Variants in FGGY observed in about 807,000 individuals in gnomAD.
The protein encoded by FGGY is FGGY carbohydrate kinase domain containing.
FGGY carries 72 observed loss-of-function variants against 71.3 expected under a neutral mutation model. The observed-to-expected ratio is 1.01, with a 90% CI of 0.84 to 1.23. The LOEUF (loss-of-function observed/expected upper bound fraction) is 1.23, where lower values mean the gene tolerates loss of function less well. Ranked by LOEUF, FGGY falls within the 50% of genes most tolerant of loss-of-function variation. The pLI is 0.00. For synonymous variants in FGGY, 251 were observed against 250.3 expected (o/e 1.00, Z -0.02); for missense variants, 668 against 682.3 (o/e 0.98, Z 0.23).
chr1:59,707,776 C>T (rs1474255032), intron 14 of FGGY, among the ~76,000 whole-genome samples: 2 of 152,182 alleles, frequency 1.3e-5, no homozygotes, highest in African/African-American at 4.8e-5. Flanking sequence ...AGCAGATGAT[C>T]AGCCATCATG....
intron 14 of FGGY, among the ~76,000 whole-genome samples, chr1:59,729,501 TTG>T (rs1411132833): frequency 6.6e-6 from 1 of 152,164 alleles, no homozygotes; most frequent in Non-Finnish European, 1.5e-5. Flanking sequence ...ATGTGACATT[TTG>T]TGTTAGAAAT....
intron 11 of FGGY, among the ~76,000 whole-genome samples, chr1:59,649,196 T>A (rs1572624925): frequency 6.7e-6 from 1 of 148,840 alleles, no homozygotes. Flanking sequence ...TGCCTCCAGC[T>A]TTGTTCTTTT....
intron 14 of FGGY, among the ~76,000 whole-genome samples, chr1:59,699,747 G>T (rs1042480887): frequency 1.3e-5 from 2 of 152,122 alleles, no homozygotes; most frequent in Admixed American, 1.3e-4. Flanking sequence ...TTTAATTCTC[G>T]TTCTTATTTG....
rs558419926 is a variant in FGGY at position 59,584,961 on chromosome 1, A to G, written c.904-22842A>G. ...AAAATAGCTAGGAATCCAACTTACA[A>G]GGGACGTGAAGGACCTCATCAAGGA... On this transcript the variant is annotated intron_variant, in intron 8 of 15. Transcript: ENST00000303721. 2.2e-5 allele frequency among the ~76,000 whole-genome samples: 3 copies of G among 137,100 alleles called. 1 individual carries two copies. In the South Asian group the frequency reaches 6.8e-4, roughly 31 times the overall value. 89.9% of individuals were successfully genotyped at this position (137,100 alleles called of 152,430 possible).
intron 14 of FGGY, among the ~76,000 whole-genome samples, chr1:59,674,914 T>G (rs2097421348): frequency 6.6e-6 from 1 of 152,168 alleles, no homozygotes; most frequent in Non-Finnish European, 1.5e-5. Context: ...AATCCTAGCT[T>G]GATTACCTAC....
At chr1:59,622,894 C>G (rs2096823752) in intron 9 of FGGY, among the ~76,000 whole-genome samples, 1 of 152,154 alleles carries the variant, frequency 6.6e-6, no homozygotes, top group Admixed American at 6.6e-5. Context: ...TGGCCACTTT[C>G]CAGTGTCTTC....
intron 14 of FGGY, among the ~76,000 whole-genome samples, chr1:59,725,220 A>G (rs2097932501): frequency 6.6e-6 from 1 of 152,204 alleles, no homozygotes; most frequent in African/African-American, 2.4e-5. Context: ...ATATTACACT[A>G]TATCCTTTGA....
chr1:59,647,834 G>C (rs2097111256), intron 11 of FGGY, among the ~76,000 whole-genome samples: 2 of 128,106 alleles, frequency 1.6e-5, no homozygotes, highest in South Asian at 5.7e-4. Flanking sequence ...TGCCATGCTG[G>C]TGCGCTGCAC....
chr1:59,469,923 T>C (rs1300071113), intron 6 of FGGY, among the ~76,000 whole-genome samples: 1 of 152,216 alleles, frequency 6.6e-6, no homozygotes, highest in Admixed American at 6.5e-5. Flanking sequence ...GCAAAGGACA[T>C]GATCTTGTTC....
rs144039513 is a variant in FGGY, at chr1:59,304,135, A to G, written c.-15+6985A>G. ...TTTTATTGCTCATGCTTTTGATGTC[A>G]TATCCAAAAAATCATAGCCAAGACC... is the stretch of plus-strand genomic sequence containing the variant. On this transcript the variant is annotated intron_variant, in intron 1 of 15. Coordinates refer to ENST00000303721, the MANE Select transcript of FGGY (RefSeq NM_018291.5). Among the ~76,000 whole-genome samples the G allele has an allele frequency of 3.9e-5, 6 of 152,056 alleles. No homozygotes were observed. The South Asian group carries it at 1.2e-3, about 31-fold the overall frequency.
chr1:59,433,532 A>T (rs2067813670), intron 5 of FGGY, among the ~76,000 whole-genome samples: 1 of 152,126 alleles, frequency 6.6e-6, no homozygotes, highest in African/African-American at 2.4e-5. Flanking sequence ...GTCCCTCTGG[A>T]GCAGCTCTTA....
At chr1:59,301,973 G>T (rs1480085005) in intron 1 of FGGY, among the ~76,000 whole-genome samples, 1 of 151,152 alleles carries the variant, frequency 6.6e-6, no homozygotes. Flanking sequence ...CTGACCTTAG[G>T]TGATCTGCCC....
chr1:59,414,243 G>A (rs2064022159), intron 5 of FGGY, among the ~76,000 whole-genome samples: 1 of 152,190 alleles, frequency 6.6e-6, no homozygotes, highest in Admixed American at 6.5e-5. Flanking sequence ...AAGGGTGCAG[G>A]TGGCAAGGAA....
At chr1:59,554,943 T>G (rs2095661623) in intron 8 of FGGY, among the ~76,000 whole-genome samples, 1 of 151,548 alleles carries the variant, frequency 6.6e-6, no homozygotes, top group Non-Finnish European at 1.5e-5. Flanking sequence ...GAGGGCAGAG[T>G]GGGGGAGGAG....
chr1:59,415,938 C>T (rs892868493), intron 5 of FGGY, among the ~76,000 whole-genome samples: 2 of 152,206 alleles, frequency 1.3e-5, no homozygotes. Flanking sequence ...AGTGTACCTA[C>T]ATCCCTTATT....
At chr1:59,456,364 C>T (rs2091691271) in intron 5 of FGGY, among the ~76,000 whole-genome samples, 3 of 151,762 alleles carry the variant, frequency 2.0e-5, no homozygotes, top group Admixed American at 2.0e-4. Flanking sequence ...CTAATTATCT[C>T]ACAAATGTCA....
At chr1:59,503,618 T>TATATATATATATATATATAA (rs1491270217) in intron 6 of FGGY, among the ~76,000 whole-genome samples, 1 of 143,752 alleles carries the variant, frequency 7.0e-6, no homozygotes, top group African/African-American at 2.6e-5. Flanking sequence ...TATATATATA[T>TATATATATATATATATATAA]AAAATATGTA....
chr1:59,578,863 A>T (rs1239205394), intron 8 of FGGY, among the ~76,000 whole-genome samples: 1 of 152,070 alleles, frequency 6.6e-6, no homozygotes, highest in Non-Finnish European at 1.5e-5. Context: ...GTAAGACTAC[A>T]GCTTGCTTTA....
chr1:59,492,105 T>G (rs968197819), intron 6 of FGGY, among the ~76,000 whole-genome samples: 11 of 152,196 alleles, frequency 7.2e-5, no homozygotes, highest in Admixed American at 1.3e-4. Flanking sequence ...TCCTATCATT[T>G]TGTTAATAAC....
Sources: gnomAD v4.1 joint callset for allele counts (sites outside exome capture counted in the v4.1 genomes callset) on GRCh38, gnomAD v4.1.1 for gene constraint, MANE v1.5 for transcripts, NCBI Gene and HGNC (gene_info 2026-07-23, HGNC 2026-07-21) for gene names.